WARS1: variants seen among roughly 807,000 people sequenced by gnomAD.
The protein encoded by WARS1 is tryptophan--tRNA ligase, cytoplasmic.
WARS1 carries 17 observed loss-of-function variants against 47.8 expected under a neutral mutation model. The ratio of observed to expected loss-of-function variants is 0.36; its 90% CI spans 0.24 to 0.53. The LOEUF is 0.53. WARS1 is among the 20% of genes least tolerant of loss of function. The probability of loss-of-function intolerance (pLI) is 0.91; values close to 1 mark genes in which losing one functional copy is unlikely to be tolerated. For synonymous variants in WARS1, 208 were observed against 228.1 expected (o/e 0.91, Z 0.79); for missense variants, 434 against 608.0 (o/e 0.71, Z 3.01).
rs1291341622 is a variant in WARS1, at chr14:100,353,768, G to T, written c.644C>A (p.Ala215Asp). ...GATGATGTCCTTGGCATTCTCCACAGCATAGCTATAGGCCTGGTCCAGGGT... is the reference window on the plus strand; with the variant it reads ...GATGATGTCCTTGGCATTCTCCACATCATAGCTATAGGCCTGGTCCAGGGT... ...DLTLDQAYSY[A>D]VENAKDIIAC... Residue 215 changes from alanine to aspartate, a missense_variant, in exon 6 of 11, where the codon GCT becomes GAT. Physicochemically the swap from Ala to Asp is moderately radical, Grantham distance 126 (BLOSUM62 -2). This residue lies in a region of WARS1 where 347 missense variants were observed against 523.8 expected (regional missense o/e 0.66). Transcript: ENST00000392882. 36 of 1,614,166 alleles carry T rather than the reference G, an allele frequency of 2.2e-5. No individual in the cohort carries two copies. Among genetic ancestry groups the T allele is most frequent in the Non-Finnish European group, 3.1e-5 (36 of 1,180,044 alleles).
At chr14:100,364,831 C>T (rs1202676728) in intron 2 of WARS1, among the ~76,000 whole-genome samples, 2 of 152,052 alleles carry the variant, frequency 1.3e-5, no homozygotes, top group African/African-American at 4.8e-5. Flanking sequence ...CTTACATAAC[C>T]CCACTGGGTC....
At chr14:100,344,580 C>T (rs1894407054) in intron 7 of WARS1, among the ~76,000 whole-genome samples, 1 of 151,602 alleles carries the variant, frequency 6.6e-6, no homozygotes, top group South Asian at 2.1e-4. Flanking sequence ...TGCCTGGCTG[C>T]CCAGTCTGGA....
intron 1 of WARS1, among the ~76,000 whole-genome samples, chr14:100,371,772 G>A (rs1167987687): frequency 6.6e-6 from 1 of 152,014 alleles, no homozygotes; most frequent in East Asian, 1.9e-4. Flanking sequence ...TAAATCACGG[G>A]TGCTGTGAGC....
chr14:100,369,940 T>C (rs1442506655), intron 1 of WARS1, among the ~76,000 whole-genome samples: 1 of 151,922 alleles, frequency 6.6e-6, no homozygotes, highest in Non-Finnish European at 1.5e-5. Context: ...GTTGGGATTA[T>C]AGGTGTGAGC....
At chr14:100,372,780 C>A (rs1896427188) in intron 1 of WARS1, among the ~76,000 whole-genome samples, 1 of 152,186 alleles carries the variant, frequency 6.6e-6, no homozygotes, top group Admixed American at 6.5e-5. Flanking sequence ...AGGCTGATGG[C>A]TCCATTACCA....
chr14:100,372,221 C>T (rs1896395892), intron 1 of WARS1, among the ~76,000 whole-genome samples: 1 of 152,062 alleles, frequency 6.6e-6, no homozygotes, highest in Non-Finnish European at 1.5e-5. Context: ...AACCTTGTTG[C>T]TCACACAAAC....
chr14:100,376,286 C>G, upstream of WARS1: 1 of 923,278 alleles, frequency 1.1e-6, no homozygotes, highest in South Asian at 5.7e-5. Flanking sequence ...AGTCAGCGCT[C>G]CCGGCTCAGC....
chr14:100,371,183 C>T (rs1896323856), intron 1 of WARS1, among the ~76,000 whole-genome samples: 2 of 152,072 alleles, frequency 1.3e-5, no homozygotes, highest in Non-Finnish European at 2.9e-5. Context: ...TGTGGTGGCT[C>T]ACGCCTATAA....
intron 4 of WARS1, among the ~76,000 whole-genome samples, chr14:100,360,043 T>C (rs901690646): frequency 2.0e-5 from 3 of 152,184 alleles, no homozygotes; most frequent in Admixed American, 6.5e-5. Flanking sequence ...AGAAACTCTT[T>C]TGGAACCTGC....
At chr14:100,360,719 T>A in intron 3 of WARS1, 57 bp from the exon 4 acceptor site, 2 of 1,308,946 alleles carry the variant, frequency 1.5e-6, no homozygotes, top group Non-Finnish European at 2.2e-6. Context: ...TGATCAGATA[T>A]TACTGAAATG....
chr14:100,347,678 G>A (rs1031076735), intron 6 of WARS1, among the ~76,000 whole-genome samples: 2 of 152,038 alleles, frequency 1.3e-5, no homozygotes, highest in Admixed American at 1.3e-4. Flanking sequence ...TTGGGTTCAA[G>A]CAATTCTCCT....
In WARS1 at chr14:100,334,776, T is replaced by G; in HGVS notation, c.*99A>C. Reference sequence around the variant, plus strand: ...CAGAGGCCAGGCCCAGTAATTACCATGAGACAGAAGCCTACAGGTGGCGGT... The same window carrying G: ...CAGAGGCCAGGCCCAGTAATTACCAGGAGACAGAAGCCTACAGGTGGCGGT... On this transcript the variant is annotated 3_prime_UTR_variant, in exon 11 of 11. Transcript: ENST00000392882. 9.8e-5 allele frequency: 141 copies of G among 1,437,900 alleles called. No homozygotes were observed. Among genetic ancestry groups the G allele is most frequent in the Middle Eastern group, 1.8e-4 (1 of 5,552 alleles). The allele number at this position is 1,437,900 out of a possible 1,614,324, so 89.1% of individuals were successfully genotyped here. A position where few individuals can be genotyped will look rare whatever the true frequency, so the allele number is the denominator to read the frequency against.
chr14:100,364,160 T>G (rs1895817340), intron 2 of WARS1, among the ~76,000 whole-genome samples: 1 of 152,210 alleles, frequency 6.6e-6, no homozygotes, highest in African/African-American at 2.4e-5. Flanking sequence ...TTTTTCTATA[T>G]GAATGGTATA....
At chr14:100,351,992 CA>C (rs1252600803) in intron 6 of WARS1, among the ~76,000 whole-genome samples, 8 of 59,752 alleles carry the variant, frequency 1.3e-4, no homozygotes, top group Non-Finnish European at 1.2e-4. Context: ...GACTCCGTCT[CA>C]AAAAAAAAAA....
At chr14:100,372,865 GCTGCCTGCCTGC>G (rs1000471700) in intron 1 of WARS1, among the ~76,000 whole-genome samples, 21 of 152,054 alleles carry the variant, frequency 1.4e-4, no homozygotes, top group Non-Finnish European at 1.0e-4. Flanking sequence ...GCTGCTCCCT[GCTGCCTGCCTGC>G]CTGCCTGCCT....
intron 2 of WARS1, among the ~76,000 whole-genome samples, chr14:100,367,565 G>A (rs1896073479): frequency 1.5e-5 from 2 of 133,930 alleles, no homozygotes; most frequent in Non-Finnish European, 3.1e-5. Flanking sequence ...TCCAGCCTGG[G>A]TGAAAGAGTG....
intron 3 of WARS1, 136 bp downstream of exon 3, chr14:100,361,572 G>T: frequency 1.3e-6 from 1 of 773,522 alleles, no homozygotes; most frequent in Non-Finnish European, 2.1e-6. Flanking sequence ...AAAGATTTTA[G>T]TATCCATTTT....
Position 100,354,196 on chromosome 14 carries a change from T to C in WARS1, c.542+251A>G, listed in dbSNP as rs1193801010. On this transcript the variant is annotated intron_variant, in intron 5 of 10. Coordinates refer to ENST00000392882, the MANE Select transcript of WARS1 (RefSeq NM_004184.4). Reference sequence around the variant, plus strand: ...CAGAGAAGTAGCAGGCCCATGGCCATGCAGACAGGGAGCAGGATGAGAAGA... The same window carrying C: ...CAGAGAAGTAGCAGGCCCATGGCCACGCAGACAGGGAGCAGGATGAGAAGA... 8 of 529,010 alleles carry C rather than the reference T, an allele frequency of 1.5e-5. No individual in the cohort carries two copies. In the South Asian group the frequency reaches 1.5e-4, roughly 10 times the overall value. The allele number at this position is 529,010 out of a possible 1,614,324, so 32.8% of individuals were successfully genotyped here. A position where few individuals can be genotyped will look rare whatever the true frequency, so the allele number is the denominator to read the frequency against.
At chr14:100,372,641 A>G (rs1010774343) in intron 1 of WARS1, among the ~76,000 whole-genome samples, 3 of 152,244 alleles carry the variant, frequency 2.0e-5, no homozygotes, top group East Asian at 1.9e-4. Context: ...TCCATATCAA[A>G]TAACGATCAA....
Sources: allele counts gnomAD v4.1 joint callset (sites outside exome capture counted in the v4.1 genomes callset), GRCh38; gene constraint gnomAD v4.1.1; regional missense constraint gnomAD v4.1.1; transcripts MANE v1.5; gene names NCBI Gene and HGNC (gene_info 2026-07-23, HGNC 2026-07-21).